Variants in NDUFA10 observed in about 807,000 individuals in gnomAD.
NDUFA10 encodes NADH:ubiquinone oxidoreductase subunit A10.
NDUFA10 carries 40 observed loss-of-function variants against 47.8 expected under a neutral mutation model. That is an observed-to-expected ratio of 0.84 (90% confidence interval 0.65 to 1.09). The LOEUF (loss-of-function observed/expected upper bound fraction) is 1.09. Among genes scored for constraint, NDUFA10 ranks in the 50% least tolerant of loss-of-function variants. NDUFA10 has a pLI of 0.00. For missense variants in NDUFA10, 413 were observed against 451.1 expected (o/e 0.92, Z 0.76); for synonymous variants, 183 against 172.2 (o/e 1.06, Z -0.49).
chr2:239,892,958 C>T (rs530226362), intron 5 of NDUFA10, among the ~76,000 whole-genome samples: 18 of 152,318 alleles, frequency 1.2e-4, no homozygotes, highest in African/African-American at 4.1e-4. Context: ...TGTTAGCCCC[C>T]CTCACCTAAA....
Position 240,021,333 on chromosome 2 carries a change from A to G in NDUFA10, c.324T>C (p.Tyr108=). 1 of 1,614,144 alleles carries G rather than the reference A, an allele frequency of 6.2e-7. No individual in the cohort carries two copies. Among genetic ancestry groups the G allele is most frequent in the African/African-American group, 1.3e-5 (1 of 75,038 alleles). ...TGDGKPLATD[Y]NGNCSLEKFY... ...ATTTCTCCAAACTACAGTTGCCATT[A>G]TAGTCGGTGGCGAGGGGCTTCCCAT... The change falls in exon 3 of 10, where the codon TAT becomes TAC. Residue 108 remains tyrosine (Y), a synonymous_variant. Transcript: ENST00000252711.
Position 239,960,464 on chromosome 2 carries a change from C to T in NDUFA10, c.*654G>A, listed in dbSNP as rs1266537901. On this transcript the variant is annotated 3_prime_UTR_variant, in exon 10 of 10. Coordinates refer to ENST00000252711, the MANE Select transcript of NDUFA10 (RefSeq NM_004544.4). The stretch of plus-strand genomic sequence containing the variant: ...TCAAAGGAGTTTGAGACGCTGAGGA[C>T]GGCCACGTGAATCTTTCTCAACGTC... 4.0e-6 allele frequency: 4 copies of T among 989,530 alleles called. No homozygotes were observed. The highest frequency in any genetic ancestry group is 4.8e-6 in the Non-Finnish European group (4 of 832,254). 61.3% of individuals were successfully genotyped at this position (989,530 alleles called of 1,614,324 possible).
At chr2:239,983,723 G>C in intron 9 of NDUFA10, 3 of 1,561,480 alleles carry the variant, frequency 1.9e-6, no homozygotes, top group Non-Finnish European at 1.7e-6. Flanking sequence ...AATCGCTAGA[G>C]AAACATCGGG....
rs1351446069 is a variant in NDUFA10 at position 239,905,025 on chromosome 2, C to T, written c.295-9711G>A. 4.6e-5 allele frequency among the ~76,000 whole-genome samples: 7 copies of T among 152,220 alleles called. No homozygotes were observed. The East Asian group carries it at 1.3e-3, about 29-fold the overall frequency. The stretch of plus-strand genomic sequence containing the variant: ...ATCCAGGAGGGTCTCATCTCAAAAC[C>T]TTTAACTGAGCTACAAAGACCCTTT... On this transcript the variant is annotated intron_variant, in intron 4 of 5. Coordinates refer to the NDUFA10 transcript ENST00000419408.
intron 8 of NDUFA10, 46 bp from the exon 9 acceptor site, chr2:239,990,228 A>G (rs1696188002): frequency 6.8e-7 from 1 of 1,462,896 alleles, no homozygotes; most frequent in Non-Finnish European, 9.6e-7. Context: ...ATCAAAATAA[A>G]TACAATAAAA....
downstream of NDUFA10, among the ~76,000 whole-genome samples, chr2:239,957,176 T>A (rs1694677357): frequency 6.6e-6 from 1 of 152,196 alleles, no homozygotes; most frequent in Non-Finnish European, 1.5e-5. Context: ...GGCTTCCACC[T>A]GGGCCTCGCC....
At chr2:239,982,182 G>A (rs1695804908) in intron 9 of NDUFA10, 1 of 1,612,844 alleles carries the variant, frequency 6.2e-7, no homozygotes, top group Non-Finnish European at 8.5e-7. Flanking sequence ...ACCCTCTCTT[G>A]TACTCTGCAC....
intron 4 of NDUFA10, among the ~76,000 whole-genome samples, chr2:239,930,349 T>C (rs1237996259): frequency 1.3e-5 from 2 of 152,004 alleles, no homozygotes; most frequent in Non-Finnish European, 2.9e-5. Context: ...TCACATCCCC[T>C]GCAAATTTCC....
chr2:239,916,845 C>G (rs1693888765), intron 4 of NDUFA10, among the ~76,000 whole-genome samples: 1 of 152,244 alleles, frequency 6.6e-6, no homozygotes, highest in Non-Finnish European at 1.5e-5. Context: ...TTGGTGGCCC[C>G]ACCTCTTTGC....
At position 240,021,420 on chromosome 2, in the gene NDUFA10, G is replaced by C; in HGVS notation, c.245-8C>G. On this transcript the variant is annotated splice_region_variant and splice_polypyrimidine_tract_variant and intron_variant, in intron 2 of 9. Coordinates refer to ENST00000252711, the MANE Select transcript of NDUFA10 (RefSeq NM_004544.4). ...CAGGAAAGTGCTTGAAGCCTGAAAA[G>C]AGAAACAGTCGGATGCAGTCTGATG... 6.2e-7 allele frequency: 1 copy of C among 1,613,030 alleles called. No individual in the cohort carries two copies. The highest frequency in any genetic ancestry group is 1.1e-5 in the South Asian group (1 of 91,034).
Position 239,961,013 on chromosome 2 carries a change from C to T in NDUFA10, c.*105G>A, listed in dbSNP as rs886055825. 3 of 1,570,526 alleles carry T rather than the reference C, an allele frequency of 1.9e-6. No homozygotes were observed. Among genetic ancestry groups the T allele is most frequent in the Non-Finnish European group, 2.6e-6 (3 of 1,159,168 alleles). On this transcript the variant is annotated 3_prime_UTR_variant, in exon 10 of 10. Coordinates refer to ENST00000252711, the MANE Select transcript of NDUFA10 (RefSeq NM_004544.4). ...CCCTTCTTCCACTGTGCAATTTTTG[C>T]ATTATTTACCCTCCCCCGATCTTAA...
intron 8 of NDUFA10, among the ~76,000 whole-genome samples, chr2:240,003,745 G>A (rs4149544): frequency 0.3 from 45,756 of 152,096 alleles, 7,427 homozygotes; most frequent in East Asian, 0.44. Context: ...TATGAGGCCT[G>A]TACCAGGAAC....
chr2:239,935,774 C>G (rs1165735042), intron 4 of NDUFA10, among the ~76,000 whole-genome samples: 5 of 152,310 alleles, frequency 3.3e-5, no homozygotes, highest in Admixed American at 2.6e-4. Context: ...TCTTGGCTCC[C>G]ATTCTCTTTT....
At chr2:239,926,812 C>A (rs1179664387) in intron 4 of NDUFA10, among the ~76,000 whole-genome samples, 1 of 152,108 alleles carries the variant, frequency 6.6e-6, no homozygotes, top group Non-Finnish European at 1.5e-5. Flanking sequence ...AAGACGTACC[C>A]GAGACCGGGT....
At chr2:239,914,105 CAA>C (rs1693798831) in intron 4 of NDUFA10, among the ~76,000 whole-genome samples, 1 of 152,098 alleles carries the variant, frequency 6.6e-6, no homozygotes, top group Non-Finnish European at 1.5e-5. Flanking sequence ...AGTTCACAGG[CAA>C]CACACACAGA....
chr2:239,908,614 C>G (rs907883773), intron 4 of NDUFA10, among the ~76,000 whole-genome samples: 3 of 152,170 alleles, frequency 2.0e-5, no homozygotes, highest in East Asian at 3.9e-4. Context: ...TTCAGCAAAC[C>G]TTAAGTAAGA....
At chr2:240,008,183 C>G (rs1559386659) in intron 6 of NDUFA10, among the ~76,000 whole-genome samples, 1 of 152,172 alleles carries the variant, frequency 6.6e-6, no homozygotes, top group Non-Finnish European at 1.5e-5. Flanking sequence ...AGTCTTCAAG[C>G]TCTACAATCA....
chr2:240,018,881 G>A (rs963735021), intron 3 of NDUFA10, among the ~76,000 whole-genome samples: 5 of 152,042 alleles, frequency 3.3e-5, no homozygotes, highest in Non-Finnish European at 4.4e-5. Flanking sequence ...GAAAGCATCC[G>A]GTTAATACAA....
intron 9 of NDUFA10, among the ~76,000 whole-genome samples, chr2:239,974,103 T>G (rs1373851640): frequency 1.3e-5 from 2 of 152,066 alleles, no homozygotes; most frequent in Non-Finnish European, 2.9e-5. Context: ...ATTCTTGTGT[T>G]TTTTAGGAAG....
Sources: allele counts gnomAD v4.1 joint callset (sites outside exome capture counted in the v4.1 genomes callset), GRCh38; gene constraint gnomAD v4.1.1; transcripts MANE v1.5; gene names NCBI Gene and HGNC (gene_info 2026-07-23, HGNC 2026-07-21).